KAT2B: variants seen among roughly 807,000 people sequenced by gnomAD.
The protein encoded by KAT2B is histone acetyltransferase KAT2B.
KAT2B carries 36 observed loss-of-function variants against 105.9 expected under a neutral mutation model. The ratio of observed to expected loss-of-function variants is 0.34; its 90% CI spans 0.26 to 0.45. The LOEUF (loss-of-function observed/expected upper bound fraction) is 0.45, where lower values mean the gene tolerates loss of function less well. KAT2B is among the 20% of genes least tolerant of loss of function. KAT2B has a pLI of 1.00. For missense variants in KAT2B, 820 were observed against 1,021.6 expected (o/e 0.80, Z 2.69); for synonymous variants, 397 against 377.9 (o/e 1.05, Z -0.59).
intron 6 of KAT2B, among the ~76,000 whole-genome samples, chr3:20,113,791 C>T (rs184861703): frequency 1.3e-5 from 2 of 152,232 alleles, no homozygotes; most frequent in Non-Finnish European, 1.5e-5. Flanking sequence ...TCTTATCTTC[C>T]TATTCTTCAT....
At chr3:20,121,608 T>C (rs934812747) in intron 8 of KAT2B, among the ~76,000 whole-genome samples, 1 of 152,172 alleles carries the variant, frequency 6.6e-6, no homozygotes, top group African/African-American at 2.4e-5. Context: ...TTGTAAAAGA[T>C]AAAGTGTGTC....
At chr3:20,136,537 CTT>C (rs113597336) in intron 11 of KAT2B, among the ~76,000 whole-genome samples, 8 of 149,396 alleles carry the variant, frequency 5.4e-5, no homozygotes, top group African/African-American at 2.0e-4. Context: ...TCATTTGCAT[CTT>C]TTTTTTTTCT....
chr3:20,100,807 C>G (rs1698897195), intron 4 of KAT2B, among the ~76,000 whole-genome samples: 1 of 152,056 alleles, frequency 6.6e-6, no homozygotes, highest in African/African-American at 2.4e-5. Flanking sequence ...TGACTTCAAA[C>G]AAATGATAGT....
At chr3:20,079,700 A>G (rs1698485949) in intron 2 of KAT2B, among the ~76,000 whole-genome samples, 1 of 152,154 alleles carries the variant, frequency 6.6e-6, no homozygotes. Context: ...TGTACCATAT[A>G]ATTGCCCCCT....
At chr3:20,118,456 C>G (rs1278805596) in intron 7 of KAT2B, among the ~76,000 whole-genome samples, 1 of 149,510 alleles carries the variant, frequency 6.7e-6, no homozygotes, top group Non-Finnish European at 1.5e-5. Context: ...GTGGCTGACA[C>G]CTGTAATCCC....
chr3:20,052,762 G>T (rs1238488268), intron 1 of KAT2B, among the ~76,000 whole-genome samples: 1 of 152,166 alleles, frequency 6.6e-6, no homozygotes, highest in Admixed American at 6.5e-5. Context: ...GAGGTCGGGA[G>T]TTTGAGACCA....
chr3:20,144,805 T>A (rs6808694), intron 13 of KAT2B, among the ~76,000 whole-genome samples: 1 of 151,148 alleles, frequency 6.6e-6, no homozygotes, highest in African/African-American at 2.4e-5. Flanking sequence ...TTTTTCTTTT[T>A]TTTTTTTTAA....
Position 20,152,538 on chromosome 3 carries a change from T to C in KAT2B, c.*13T>C. On this transcript the variant is annotated 3_prime_UTR_variant, in exon 18 of 18. Coordinates refer to ENST00000263754, the MANE Select transcript of KAT2B (RefSeq NM_003884.5). ...AATTGACAAGTGATTTTTTTTCCCC[T>C]CTGCTTCTTAGAAACTCACCAAGCA... 6.2e-7 allele frequency: 1 copy of C among 1,606,480 alleles called. No homozygotes were observed. Among genetic ancestry groups the C allele is most frequent in the South Asian group, 1.1e-5 (1 of 90,776 alleles).
intron 11 of KAT2B, among the ~76,000 whole-genome samples, chr3:20,131,646 C>T (rs895502542): frequency 2.0e-5 from 3 of 152,160 alleles, no homozygotes; most frequent in Non-Finnish European, 4.4e-5. Context: ...CAGCTCCCTG[C>T]GTCTGCGACC....
rs538925596 is a variant in KAT2B, at chr3:20,080,084, T to C, written c.430+7625T>C. On this transcript the variant is annotated intron_variant, in intron 2 of 17. Transcript: ENST00000263754. ...TCTGCTGCAGCTTCTGGAGTTCTTA[T>C]TTCCATTCCTGCATACCTGGCTTTC... Among the ~76,000 whole-genome samples, 3 of 152,292 alleles carry C rather than the reference T, an allele frequency of 2.0e-5. No homozygotes were observed. In the South Asian group the frequency reaches 6.2e-4, roughly 32 times the overall value.
At chr3:20,059,412 CAAAAAAAAAAAA>C (rs34763319) in intron 1 of KAT2B, among the ~76,000 whole-genome samples, 7 of 38,336 alleles carry the variant, frequency 1.8e-4, no homozygotes, top group Non-Finnish European at 3.1e-4. Context: ...GACTCTGTCT[CAAAAAAAAAAAA>C]AAAAAAAAAA....
chr3:20,113,380 G>T (rs988057247), intron 6 of KAT2B, among the ~76,000 whole-genome samples: 1 of 152,158 alleles, frequency 6.6e-6, no homozygotes, highest in African/African-American at 2.4e-5. Context: ...TATTTAAAGA[G>T]AAATTTTAGT....
chr3:20,047,847 C>A (rs1697843159), intron 1 of KAT2B, among the ~76,000 whole-genome samples: 1 of 151,960 alleles, frequency 6.6e-6, no homozygotes, highest in South Asian at 2.1e-4. Flanking sequence ...AACTCCTGAC[C>A]TCAAGTGATC....
intron 6 of KAT2B, 49 bp from the exon 7 acceptor site, chr3:20,114,833 C>A: frequency 9.8e-7 from 1 of 1,023,276 alleles, no homozygotes; most frequent in South Asian, 1.4e-5. Context: ...GGGCTGTTAT[C>A]CTTACAGTAG....
chr3:20,111,773 C>T lies in KAT2B; in HGVS notation c.1029C>T (p.Leu343=), dbSNP rs751533877. ...CTCTTGAAAAACGAACTCTAATCCT[C>T]ACTCATTTCCCAAAGTAAGGGAGAG... ...KLPLEKRTLI[L]THFPKFLSML... The change falls in exon 6 of 18, where the codon CTC becomes CTT. Residue 343 remains leucine (L), a synonymous_variant. Transcript: ENST00000263754. The T allele has an allele frequency of 1.2e-6, 2 of 1,612,336 alleles. No homozygotes were observed. The highest frequency in any genetic ancestry group is 2.2e-5 in the East Asian group (1 of 44,842).
At chr3:20,101,538 CTATAAG>C in intron 5 of KAT2B, 70 bp downstream of exon 5, 1 of 1,251,758 alleles carries the variant, frequency 8.0e-7, no homozygotes, top group South Asian at 1.3e-5. Context: ...GTACTTGACT[CTATAAG>C]TATAGGGCTG....
chr3:20,081,262 G>A (rs2125187289), intron 2 of KAT2B, among the ~76,000 whole-genome samples: 1 of 152,334 alleles, frequency 6.6e-6, no homozygotes, highest in Middle Eastern at 3.4e-3. Context: ...ACACTGCAGG[G>A]CATGTGAGGA....
intron 11 of KAT2B, among the ~76,000 whole-genome samples, chr3:20,129,002 CATCTCA>C (rs1005290770): frequency 9.5e-6 from 1 of 104,902 alleles, no homozygotes; most frequent in African/African-American, 3.5e-5. Context: ...AGCGAAACTC[CATCTCA>C]AAAAAAAAAA....
At chr3:20,147,132 T>C (rs1347689677) in intron 14 of KAT2B, among the ~76,000 whole-genome samples, 1 of 152,214 alleles carries the variant, frequency 6.6e-6, no homozygotes, top group African/African-American at 2.4e-5. Context: ...AGGTTCTTTT[T>C]AGTATATTTA....
Sources: gnomAD v4.1 joint callset for allele counts (sites outside exome capture counted in the v4.1 genomes callset) on GRCh38, gnomAD v4.1.1 for gene constraint, MANE v1.5 for transcripts, NCBI Gene and HGNC (gene_info 2026-07-23, HGNC 2026-07-21) for gene names.